Variants in SLC2A13 observed in about 807,000 individuals in gnomAD.
The protein encoded by SLC2A13 is solute carrier family 2 member 13.
In SLC2A13, 32 loss-of-function variants were observed where a neutral mutation model predicts 64.4. That is an observed-to-expected ratio of 0.50 (90% confidence interval 0.37 to 0.67). The LOEUF is 0.67. Among genes scored for constraint, SLC2A13 ranks in the 30% least tolerant of loss-of-function variants. The pLI, the probability that SLC2A13 is intolerant of heterozygous loss-of-function variation, is 0.00. For synonymous variants in SLC2A13, 338 were observed against 327.1 expected (o/e 1.03, Z -0.36); for missense variants, 743 against 829.2 (o/e 0.90, Z 1.28).
Position 39,814,924 on chromosome 12 carries a change from A to G in SLC2A13, c.1445+15179T>C, listed in dbSNP as rs115311893. Among the ~76,000 whole-genome samples, 1,161 of 152,210 alleles carry G rather than the reference A, an allele frequency of 7.6e-3. 22 individuals are homozygous for G. The highest frequency in any genetic ancestry group is 0.027 in the African/African-American group (1,102 of 41,532). ...AGATATGATAGATTGTGGAGCTGAGATTTTTAAGTTGGTCTTTAAAAAATT... is the reference window on the plus strand; with the variant it reads ...AGATATGATAGATTGTGGAGCTGAGGTTTTTAAGTTGGTCTTTAAAAAATT... On this transcript the variant is annotated intron_variant, in intron 7 of 9. Coordinates refer to ENST00000280871, the MANE Select transcript of SLC2A13 (RefSeq NM_052885.4).
Position 40,038,738 on chromosome 12 carries a change from A to AG in SLC2A13, c.716+9312_716+9313insC, listed in dbSNP as rs575971584. 3.1e-3 allele frequency among the ~76,000 whole-genome samples: 450 copies of AG among 146,440 alleles called. 1 individual carries two copies. Among genetic ancestry groups the AG allele is most frequent in the Non-Finnish European group, 5.1e-3 (341 of 67,068 alleles). On this transcript the variant is annotated intron_variant, in intron 2 of 9. Transcript: ENST00000280871. ...AGAGCAAGACCCTGTCTCAAAAAAA[A>AG]AAAAAAGAAAGAAAAGAAAAAGGGA...
intron 4 of SLC2A13, among the ~76,000 whole-genome samples, chr12:39,915,451 G>C (rs1340894042): frequency 6.6e-6 from 1 of 151,986 alleles, no homozygotes; most frequent in Non-Finnish European, 1.5e-5. Context: ...CCCTCAGCAG[G>C]AGGTAAAATC....
At chr12:40,091,686 C>T (rs1407463877) in intron 1 of SLC2A13, among the ~76,000 whole-genome samples, 2 of 152,158 alleles carry the variant, frequency 1.3e-5, no homozygotes, top group Admixed American at 6.5e-5. Flanking sequence ...CTCATTTGTA[C>T]TCATACTACC....
intron 7 of SLC2A13, among the ~76,000 whole-genome samples, chr12:39,827,529 C>T (rs1942729462): frequency 6.6e-6 from 1 of 152,142 alleles, no homozygotes. Flanking sequence ...ACCACTTACA[C>T]TCTTTTGTGA....
chr12:39,941,851 G>A (rs1180775979), intron 4 of SLC2A13, among the ~76,000 whole-genome samples: 1 of 152,134 alleles, frequency 6.6e-6, no homozygotes, highest in Non-Finnish European at 1.5e-5. Flanking sequence ...CAGGTCTTGG[G>A]TTTAAGTCCT....
chr12:39,887,747 A>T (rs1380034406), intron 4 of SLC2A13, among the ~76,000 whole-genome samples: 1 of 152,222 alleles, frequency 6.6e-6, no homozygotes, highest in Non-Finnish European at 1.5e-5. Flanking sequence ...CTTTAAAAAA[A>T]TTCCAGATTT....
At chr12:39,952,632 T>C (rs939772087) in intron 3 of SLC2A13, among the ~76,000 whole-genome samples, 4 of 152,160 alleles carry the variant, frequency 2.6e-5, no homozygotes, top group African/African-American at 9.7e-5. Context: ...ATTTTGTTTC[T>C]AAATGGCAAG....
intron 2 of SLC2A13, among the ~76,000 whole-genome samples, chr12:40,039,329 G>T (rs1276309007): frequency 3.3e-5 from 5 of 152,106 alleles, no homozygotes; most frequent in Non-Finnish European, 5.9e-5. Context: ...GCATTAAAGT[G>T]TGTCTCTTTA....
chr12:39,991,590 C>G (rs1947139323), intron 3 of SLC2A13, among the ~76,000 whole-genome samples: 1 of 152,166 alleles, frequency 6.6e-6, no homozygotes, highest in Admixed American at 6.5e-5. Flanking sequence ...CCTCTCTTCC[C>G]ACATGGGTGC....
At chr12:39,887,745 A>G (rs1944505606) in intron 4 of SLC2A13, among the ~76,000 whole-genome samples, 1 of 152,230 alleles carries the variant, frequency 6.6e-6, no homozygotes, top group South Asian at 2.1e-4. Context: ...TCCTTTAAAA[A>G]AATTCCAGAT....
chr12:39,854,437 C>T (rs535700908), intron 6 of SLC2A13, among the ~76,000 whole-genome samples: 1 of 152,258 alleles, frequency 6.6e-6, no homozygotes, highest in East Asian at 1.9e-4. Context: ...GCCACATAAT[C>T]GGCACTGAGT....
At chr12:39,973,496 C>T (rs974948394) in intron 3 of SLC2A13, among the ~76,000 whole-genome samples, 6 of 152,212 alleles carry the variant, frequency 3.9e-5, no homozygotes, top group Non-Finnish European at 8.8e-5. Flanking sequence ...CCCAAATCAA[C>T]ACTGTCATGC....
At chr12:39,767,402 C>T (rs751061759) in intron 7 of SLC2A13, among the ~76,000 whole-genome samples, 8 of 150,962 alleles carry the variant, frequency 5.3e-5, no homozygotes, top group Admixed American at 2.0e-4. Flanking sequence ...TTTTTTGTTT[C>T]GTTTTAGAGC....
chr12:40,058,091 T>G (rs377277419), intron 1 of SLC2A13, among the ~76,000 whole-genome samples: 1 of 133,296 alleles, frequency 7.5e-6, no homozygotes, highest in Non-Finnish European at 1.7e-5. Flanking sequence ...ATAGATAGAT[T>G]GATTTACTAT....
chr12:40,079,067 G>A (rs778090524), intron 1 of SLC2A13, among the ~76,000 whole-genome samples: 6 of 151,922 alleles, frequency 3.9e-5, no homozygotes, highest in Non-Finnish European at 7.4e-5. Flanking sequence ...GCATTCTTTC[G>A]AAGAACCAAC....
At chr12:39,906,205 C>G (rs554786243) in intron 4 of SLC2A13, among the ~76,000 whole-genome samples, 1 of 152,190 alleles carries the variant, frequency 6.6e-6, no homozygotes, top group African/African-American at 2.4e-5. Context: ...ATTTTCAATT[C>G]TTGAAGTCAG....
chr12:39,860,255 G>T (rs1358600903), intron 6 of SLC2A13, among the ~76,000 whole-genome samples: 1 of 152,216 alleles, frequency 6.6e-6, no homozygotes, highest in Non-Finnish European at 1.5e-5. Flanking sequence ...TGAAAGGCTT[G>T]AATTAGGTTA....
At chr12:39,946,744 G>A (rs1332300135) in intron 4 of SLC2A13, among the ~76,000 whole-genome samples, 2 of 152,214 alleles carry the variant, frequency 1.3e-5, no homozygotes, top group African/African-American at 2.4e-5. Flanking sequence ...GTTTCCAGGC[G>A]GAGGGCGAGA....
intron 4 of SLC2A13, among the ~76,000 whole-genome samples, chr12:39,887,479 A>G (rs1944497014): frequency 1.3e-5 from 2 of 152,188 alleles, no homozygotes; most frequent in Admixed American, 6.5e-5. Flanking sequence ...TAAAAAAGGG[A>G]CTTTTCACAA....
Sources: allele counts gnomAD v4.1 joint callset (sites outside exome capture counted in the v4.1 genomes callset), GRCh38; gene constraint gnomAD v4.1.1; transcripts MANE v1.5; gene names NCBI Gene and HGNC (gene_info 2026-07-23, HGNC 2026-07-21).